Variants in SLMAP observed in about 807,000 individuals in gnomAD.
SLMAP encodes sarcolemma associated protein, also known as sarcolemmal membrane-associated protein.
Under a neutral mutation model 128.8 loss-of-function variants are expected in SLMAP, and 44 were observed. The observed-to-expected ratio is 0.34, with a 90% CI of 0.27 to 0.44. SLMAP has a LOEUF of 0.44. Among genes scored for constraint, SLMAP ranks in the 20% least tolerant of loss-of-function variants. SLMAP has a pLI of 1.00. For missense variants in SLMAP, 787 were observed against 985.3 expected, an observed-to-expected ratio of 0.80 and a Z score of 2.69; for synonymous variants, 327 against 348.8, an observed-to-expected ratio of 0.94 and a Z score of 0.70.
At chr3:57,857,853 G>GA (rs1457340773) in intron 7 of SLMAP, 25 bp downstream of exon 7, 1 of 1,459,926 alleles carries the variant, frequency 6.8e-7, no homozygotes. Context: ...TTATATTTAA[G>GA]AAACATTTAA....
intron 2 of SLMAP, among the ~76,000 whole-genome samples, chr3:57,789,835 A>T (rs925675903): frequency 1.3e-5 from 2 of 151,256 alleles, no homozygotes; most frequent in Non-Finnish European, 2.9e-5. Flanking sequence ...TGTTTGTTTG[A>T]TTTATTTTGT....
At chr3:57,902,526 G>A (rs1442660216) in intron 17 of SLMAP, among the ~76,000 whole-genome samples, 1 of 152,120 alleles carries the variant, frequency 6.6e-6, no homozygotes, top group African/African-American at 2.4e-5. Flanking sequence ...GAACTGGAGT[G>A]GATAGAGGCT....
intron 12 of SLMAP, 58 bp from the exon 13 acceptor site, chr3:57,865,184 G>GA: frequency 3.2e-6 from 3 of 928,876 alleles, no homozygotes; most frequent in Non-Finnish European, 4.9e-6. Context: ...TTACACTTGA[G>GA]ACCACATTTA....
intron 14 of SLMAP, among the ~76,000 whole-genome samples, chr3:57,877,564 T>C (rs369254368): frequency 2.6e-5 from 4 of 152,170 alleles, no homozygotes; most frequent in East Asian, 3.9e-4. Flanking sequence ...GCTAATTTTA[T>C]TTTTTTATTC....
intron 2 of SLMAP, among the ~76,000 whole-genome samples, chr3:57,806,246 C>T (rs933228425): frequency 8.6e-5 from 13 of 151,890 alleles, no homozygotes. Context: ...TGTGTTGTTC[C>T]CCTCCCTGTG....
At chr3:57,896,233 G>T in intron 15 of SLMAP, 1 of 1,113,826 alleles carries the variant, frequency 9.0e-7, no homozygotes, top group Non-Finnish European at 1.1e-6. Flanking sequence ...AGCTTGCTTC[G>T]TTTTTGTTTC....
chr3:57,923,068 G>C, intron 23 of SLMAP, 45 bp downstream of exon 23: 1 of 1,579,688 alleles, frequency 6.3e-7, no homozygotes, highest in South Asian at 1.1e-5. Context: ...AGAGGCACAT[G>C]AGAGATTGAA....
intron 17 of SLMAP, chr3:57,899,872 T>G (rs1159409099): frequency 6.6e-6 from 1 of 152,226 alleles, no homozygotes; most frequent in Non-Finnish European, 1.5e-5. Context: ...AAGAGATAAT[T>G]ATCATAGCCC....
chr3:57,864,684 A>C lies in SLMAP; in HGVS notation c.1103A>C (p.Asp368Ala). ...ATAGAAGCTTTGCAAGCTGATAATG[A>C]TTTCACCAATGAAAGGCTAACAGCT... ...AKIEALQADN[D>A]FTNERLTALQ... The change falls in exon 11 of 25, where the codon GAT becomes GCT. Residue 368 changes from aspartate to alanine, a missense_variant. Asp to Ala is a moderately radical substitution (Grantham distance 126). Around this residue, in one of 2 missense-constraint regions of SLMAP, gnomAD observed 715 missense variants for 843.6 expected, o/e 0.85. Transcript: ENST00000671191. 3 of 1,595,758 alleles carry C rather than the reference A, an allele frequency of 1.9e-6. No homozygotes were observed. The highest frequency in any genetic ancestry group is 2.6e-6 in the Non-Finnish European group (3 of 1,175,876).
chr3:57,847,168 A>C (rs1477011725), intron 4 of SLMAP, 29 bp from the exon 5 acceptor site: 3 of 1,507,232 alleles, frequency 2.0e-6, no homozygotes, highest in African/African-American at 1.4e-5. Context: ...TCCGGATATT[A>C]GATAAAACTT....
chr3:57,910,667 A>G (rs892724079), intron 19 of SLMAP, among the ~76,000 whole-genome samples: 3 of 152,140 alleles, frequency 2.0e-5, no homozygotes, highest in African/African-American at 4.8e-5. Flanking sequence ...CTCCTGGTAT[A>G]TTATGAGGAA....
chr3:57,895,323 CT>C lies in SLMAP; in HGVS notation c.1361-1179del, dbSNP rs1027761686. 4.6e-5 allele frequency among the ~76,000 whole-genome samples: 7 copies of C among 151,490 alleles called. 1 individual carries two copies. The Middle Eastern group carries it at 0.01, about 221-fold the overall frequency. ...AGACCTCTTGTAAACAATTTCAAAA[CT>C]TTTTTTTTCTTTCTTTCTTTCTTTA... On this transcript the variant is annotated intron_variant, in intron 15 of 24. Transcript: ENST00000671191.
chr3:57,884,022 C>G (rs145597276), intron 14 of SLMAP, among the ~76,000 whole-genome samples: 4 of 150,058 alleles, frequency 2.7e-5, no homozygotes, highest in Non-Finnish European at 5.9e-5. Context: ...GCCACAACCT[C>G]GCAGGTATCG....
chr3:57,881,066 C>T (rs1251015095), intron 14 of SLMAP, among the ~76,000 whole-genome samples: 6 of 151,826 alleles, frequency 4.0e-5, no homozygotes, highest in South Asian at 2.1e-4. Context: ...TGGTGGCGCG[C>T]GCCTGTAATC....
intron 23 of SLMAP, 95 bp downstream of exon 23, chr3:57,923,118 A>G: frequency 8.8e-7 from 1 of 1,135,894 alleles, no homozygotes; most frequent in Non-Finnish European, 1.3e-6. Flanking sequence ...TTGTGAAGCA[A>G]ATGGTACAGA....
intron 2 of SLMAP, among the ~76,000 whole-genome samples, chr3:57,776,707 G>T (rs2082025338): frequency 6.6e-6 from 1 of 151,240 alleles, no homozygotes; most frequent in East Asian, 1.9e-4. Context: ...TTTGTATTTA[G>T]TAGAGACAGG....
chr3:57,870,653 A>C (rs1292288511), intron 13 of SLMAP, among the ~76,000 whole-genome samples: 5 of 152,186 alleles, frequency 3.3e-5, no homozygotes, highest in Admixed American at 2.6e-4. Context: ...TCTGCCTCTC[A>C]TGCAAAGTTG....
chr3:57,868,927 AAT>A (rs901642827), intron 13 of SLMAP, among the ~76,000 whole-genome samples: 6 of 137,470 alleles, frequency 4.4e-5, no homozygotes, highest in South Asian at 2.2e-4. Context: ...TATATAATAT[AAT>A]ATATGTTATA....
Position 57,927,303 on chromosome 3 carries a change from G to T in SLMAP, c.*14G>T. ...TGGTTTCTTTCCACACAGAAACCCT[G>T]GCCCTGGATGCCCATGTTGGCTGCC... On this transcript the variant is annotated 3_prime_UTR_variant, in exon 25 of 25. Transcript: ENST00000671191. 6.2e-7 allele frequency: 1 copy of T among 1,604,858 alleles called. No individual in the cohort carries two copies. Among genetic ancestry groups the T allele is most frequent in the Non-Finnish European group, 8.5e-7 (1 of 1,173,780 alleles).
Sources: gnomAD v4.1 joint callset for allele counts (sites outside exome capture counted in the v4.1 genomes callset) on GRCh38, gnomAD v4.1.1 for gene constraint, gnomAD v4.1.1 regional missense constraint, MANE v1.5 for transcripts, NCBI Gene and HGNC (gene_info 2026-07-23, HGNC 2026-07-21) for gene names.